Variants in GRIP1 observed in about 807,000 individuals in gnomAD.
GRIP1 encodes glutamate receptor-interacting protein 1.
GRIP1 carries 45 observed loss-of-function variants against 129.9 expected under a neutral mutation model. That is an observed-to-expected ratio of 0.35 (90% CI 0.27 to 0.44). The LOEUF is 0.44. Ranked by LOEUF, GRIP1 falls within the 20% of genes least tolerant of loss-of-function variation. GRIP1 has a pLI of 1.00. For missense variants in GRIP1, 1,196 were observed against 1,396.8 expected (o/e 0.86, Z 2.29); for synonymous variants, 530 against 520.8 (o/e 1.02, Z -0.24).
At chr12:66,644,520 T>C (rs1367682643) in intron 1 of GRIP1, among the ~76,000 whole-genome samples, 1 of 152,210 alleles carries the variant, frequency 6.6e-6, no homozygotes, top group Non-Finnish European at 1.5e-5. Flanking sequence ...TGAAAATCCT[T>C]ATCAGGAAAA....
chr12:66,679,530 G>A (rs2034500942), upstream of GRIP1, among the ~76,000 whole-genome samples: 1 of 151,402 alleles, frequency 6.6e-6, no homozygotes, highest in Non-Finnish European at 1.5e-5. Context: ...TCTGCCTATA[G>A]CGGGGAAGCA....
chr12:66,857,164 A>G (rs1249413155), intron 1 of GRIP1, among the ~76,000 whole-genome samples: 1 of 151,484 alleles, frequency 6.6e-6, no homozygotes, highest in Non-Finnish European at 1.5e-5. Flanking sequence ...ATAGGTGGGA[A>G]CTGAACAATG....
intron 9 of GRIP1, among the ~76,000 whole-genome samples, chr12:66,461,617 T>C: frequency 6.6e-6 from 1 of 152,210 alleles, no homozygotes. Context: ...TAAAATCTGA[T>C]AAGGGTAATG....
intron 1 of GRIP1, among the ~76,000 whole-genome samples, chr12:66,615,023 A>G (rs900481508): frequency 1.3e-5 from 2 of 152,078 alleles, no homozygotes; most frequent in African/African-American, 4.8e-5. Flanking sequence ...TTTCTTCTCA[A>G]CACTTAGAAC....
At chr12:66,916,034 T>C (rs932386139) in intron 1 of GRIP1, among the ~76,000 whole-genome samples, 1 of 152,168 alleles carries the variant, frequency 6.6e-6, no homozygotes, top group African/African-American at 2.4e-5. Context: ...GGTGGGCTAG[T>C]GGCACTCTGG....
chr12:66,525,616 G>A (rs2061203332), intron 5 of GRIP1, among the ~76,000 whole-genome samples: 1 of 151,452 alleles, frequency 6.6e-6, no homozygotes, highest in African/African-American at 2.4e-5. Flanking sequence ...TCTGAAAACT[G>A]GCACAAGACA....
At chr12:66,980,409 G>A (rs569342825) in intron 1 of GRIP1, among the ~76,000 whole-genome samples, 9 of 152,086 alleles carry the variant, frequency 5.9e-5, no homozygotes, top group East Asian at 5.8e-4. Context: ...TCAAGAGATC[G>A]AGACCATCCT....
chr12:66,538,357 G>A (rs565309506), intron 4 of GRIP1, among the ~76,000 whole-genome samples: 1 of 152,058 alleles, frequency 6.6e-6, no homozygotes, highest in South Asian at 2.1e-4. Flanking sequence ...ATGCCACCAT[G>A]CCCGACTAAT....
At chr12:66,906,450 T>C (rs2040934772) in intron 1 of GRIP1, among the ~76,000 whole-genome samples, 1 of 151,790 alleles carries the variant, frequency 6.6e-6, no homozygotes, top group Admixed American at 6.6e-5. Context: ...TAAAATAAGG[T>C]AGAAAAGAGC....
intron 1 of GRIP1, among the ~76,000 whole-genome samples, chr12:66,893,420 T>A (rs545572991): frequency 6.6e-6 from 1 of 152,216 alleles, no homozygotes; most frequent in East Asian, 1.9e-4. Context: ...TTTTTCCTGC[T>A]AGAGATGGGG....
At chr12:66,410,016 C>T (rs1216023401) in intron 15 of GRIP1, among the ~76,000 whole-genome samples, 1 of 151,470 alleles carries the variant, frequency 6.6e-6, no homozygotes, top group South Asian at 2.1e-4. Flanking sequence ...TTTGGGAGGC[C>T]GAGGCGGGCG....
intron 1 of GRIP1, among the ~76,000 whole-genome samples, chr12:67,017,787 A>C (rs1269512015): frequency 6.6e-6 from 1 of 152,204 alleles, no homozygotes; most frequent in Non-Finnish European, 1.5e-5. Flanking sequence ...AACAGCCTGC[A>C]GCTGTTCCAG....
chr12:66,722,142 C>T (rs1012588464), intron 1 of GRIP1, among the ~76,000 whole-genome samples: 1 of 152,158 alleles, frequency 6.6e-6, no homozygotes, highest in Non-Finnish European at 1.5e-5. Flanking sequence ...TTTGCATTCA[C>T]AACTTGGTTA....
intron 2 of GRIP1, among the ~76,000 whole-genome samples, chr12:66,566,844 T>C (rs187946681): frequency 6.6e-6 from 1 of 152,322 alleles, no homozygotes; most frequent in African/African-American, 2.4e-5. Context: ...TTCAACTTCT[T>C]CCTAGTTTAG....
At chr12:67,049,328 C>T (rs1309977761) in intron 1 of GRIP1, among the ~76,000 whole-genome samples, 1 of 152,132 alleles carries the variant, frequency 6.6e-6, no homozygotes, top group Non-Finnish European at 1.5e-5. Context: ...GACATCTTAG[C>T]TATAAGACTT....
chr12:66,432,456 C>CT, intron 14 of GRIP1, 92 bp downstream of exon 14: 1 of 759,520 alleles, frequency 1.3e-6, no homozygotes, highest in Non-Finnish European at 2.2e-6. Flanking sequence ...TTCGCAAAGA[C>CT]ATATAAAACA....
chr12:67,043,411 C>T (rs945276743), intron 1 of GRIP1, among the ~76,000 whole-genome samples: 11 of 152,146 alleles, frequency 7.2e-5, no homozygotes, highest in East Asian at 3.9e-4. Flanking sequence ...CTTCTGAGAC[C>T]GCAAAAGTGA....
intron 1 of GRIP1, among the ~76,000 whole-genome samples, chr12:66,918,223 G>A (rs1472802830): frequency 1.3e-5 from 2 of 152,084 alleles, no homozygotes; most frequent in African/African-American, 4.8e-5. Context: ...TAAGACCCAA[G>A]AGGAGCCAAT....
chr12:66,701,468 C>T (rs547561401), intron 1 of GRIP1, among the ~76,000 whole-genome samples: 2 of 152,316 alleles, frequency 1.3e-5, no homozygotes, highest in Non-Finnish European at 2.9e-5. Flanking sequence ...AAGATCCTTT[C>T]TCCAGAGGCA....
Sources: allele counts gnomAD v4.1 joint callset (sites outside exome capture counted in the v4.1 genomes callset), GRCh38; gene constraint gnomAD v4.1.1; transcripts MANE v1.5; gene names NCBI Gene and HGNC (gene_info 2026-07-23, HGNC 2026-07-21).